The following DRP2 variants were observed in gnomAD, a reference collection of about 807,000 sequenced individuals.
DRP2 encodes the protein dystrophin-related protein 2.
In DRP2, 29 loss-of-function variants were observed where a neutral mutation model predicts 78.2. The observed-to-expected ratio is 0.37, with a 90% CI of 0.28 to 0.51. The LOEUF (loss-of-function observed/expected upper bound fraction) is 0.51. Among genes scored for constraint, DRP2 ranks in the 20% least tolerant of loss-of-function variants. DRP2 has a pLI of 0.94. For synonymous variants in DRP2, 290 were observed against 281.9 expected, an observed-to-expected ratio of 1.03 and a Z score of -0.29; for missense variants, 686 against 770.6, an observed-to-expected ratio of 0.89 and a Z score of 1.30.
chrX:101,249,107 G>A (rs112209758), intron 14 of DRP2, among the ~76,000 whole-genome samples: 4,096 of 111,974 alleles, frequency 0.037, 73 homozygotes, highest in Non-Finnish European at 0.055. Flanking sequence ...CTTGTGTTCA[G>A]CATTTTGAAC....
Position 101,250,664 on chromosome X carries a change from T to C in DRP2, c.1698+84T>C, listed in dbSNP as rs758240418. 390 of 1,105,734 alleles carry C rather than the reference T, an allele frequency of 3.5e-4. 1 individual carries two copies. The highest frequency in any genetic ancestry group is 8.8e-5 in the Admixed American group (3 of 34,069). 91.1% of individuals were successfully genotyped at this position (1,105,734 alleles called of 1,213,427 possible). ...AGGGAAGGAGGACTACGAGCTAGGCTTTTGATCTGAAGTACGCAGATGCAA... is the reference window on the plus strand; with the variant it reads ...AGGGAAGGAGGACTACGAGCTAGGCCTTTGATCTGAAGTACGCAGATGCAA... On this transcript the variant is annotated intron_variant, in intron 15 of 23. Coordinates refer to ENST00000395209, the MANE Select transcript of DRP2 (RefSeq NM_001939.3).
intron 14 of DRP2, among the ~76,000 whole-genome samples, chrX:101,248,994 A>G (rs1460549143): frequency 8.9e-6 from 1 of 112,211 alleles, no homozygotes; most frequent in Non-Finnish European, 1.9e-5. Flanking sequence ...ATACACAGGC[A>G]GGGCACAATA....
intron 18 of DRP2, 97 bp downstream of exon 18, chrX:101,254,658 T>C: frequency 1.7e-6 from 2 of 1,152,947 alleles, no homozygotes; most frequent in Non-Finnish European, 2.3e-6. Flanking sequence ...AGGAGAATGT[T>C]CCAAGGTAAA....
chrX:101,224,071 A>G (rs964004942), intron 1 of DRP2, among the ~76,000 whole-genome samples: 4 of 108,528 alleles, frequency 3.7e-5, no homozygotes, highest in Non-Finnish European at 7.6e-5. Context: ...TCTGTAGCCC[A>G]TGGGAAGGGG....
chrX:101,262,635 C>CTGTG lies in DRP2; in HGVS notation c.*2014_*2015insTGTG, dbSNP rs1171573268. 1 of 111,462 alleles carries CTGTG rather than the reference C, an allele frequency of 9.0e-6. No homozygotes were observed. The highest frequency in any genetic ancestry group is 9.6e-5 in the Admixed American group (1 of 10,440). The allele number at this position is 111,462 out of a possible 1,213,427, so 9.2% of individuals were successfully genotyped here. ...AGAAGCTTAGGGTTGCCTCCTCCAC[C>CTGTG]ACTAAGTCACAGGTCCAGGGTGTCA... On this transcript the variant is annotated 3_prime_UTR_variant, in exon 24 of 24. Transcript: ENST00000395209.
At position 101,263,111 on chromosome X, in the gene DRP2, C is replaced by T. The variant is rs1258747932; in HGVS notation, c.*2490C>T. 1 of 111,375 alleles carries T rather than the reference C, an allele frequency of 9.0e-6. No individual in the cohort carries two copies. Among genetic ancestry groups the T allele is most frequent in the African/African-American group, 3.3e-5 (1 of 30,569 alleles). 9.2% of individuals were successfully genotyped at this position (111,375 alleles called of 1,213,427 possible). ...AAGGGGTCACTGACATTTTGTGGTC[C>T]TGTGTTTACCTTAATGCCTAAGGTG... is the stretch of plus-strand genomic sequence containing the variant. On this transcript the variant is annotated 3_prime_UTR_variant, in exon 24 of 24. Coordinates refer to ENST00000395209, the MANE Select transcript of DRP2 (RefSeq NM_001939.3).
At position 101,235,917 on chromosome X, in the gene DRP2, C is replaced by T. The variant is rs765542790; in HGVS notation, c.175C>T (p.Leu59=). 1.7e-5 allele frequency: 21 copies of T among 1,210,319 alleles called. No homozygotes were observed. The highest frequency in any genetic ancestry group is 2.3e-5 in the Non-Finnish European group (21 of 895,211). ...TCAAGATGGTGCTGGGGTTCCCTGC[C>T]TAAGCCTAAAGCTGTTGAACGGGTC... ...PPQDGAGVPC[L]SLKLLNGSVG... is the part of the protein sequence containing the mutation. The change falls in exon 4 of 24, where the codon CTA becomes TTA. Residue 59 remains leucine, a synonymous_variant. Coordinates refer to ENST00000395209, the MANE Select transcript of DRP2 (RefSeq NM_001939.3).
chrX:101,251,312 C>A (rs1445997424), intron 16 of DRP2: 1 of 316,470 alleles, frequency 3.2e-6, no homozygotes, highest in Non-Finnish European at 5.3e-6. Context: ...TACAGACCTA[C>A]AAAAATGTAT....
chrX:101,257,315 T>C lies in DRP2; in HGVS notation c.2391-994T>C, dbSNP rs141184035. ...ACTAGCTCCCAGTGGATGCCCATAC[T>C]GCTGTTCCACAGGCCACACTTGGAG... On this transcript the variant is annotated intron_variant, in intron 21 of 23. Transcript: ENST00000395209. 4.3e-3 allele frequency among the ~76,000 whole-genome samples: 468 copies of C among 107,940 alleles called. 1 individual carries two copies. Among genetic ancestry groups the C allele is most frequent in the African/African-American group, 0.015 (429 of 29,531 alleles). The allele number at this position is 107,940 out of a possible 115,157, so 93.7% of individuals were successfully genotyped here.
intron 4 of DRP2, among the ~76,000 whole-genome samples, chrX:101,236,957 G>C (rs867527436): frequency 9.0e-6 from 1 of 111,557 alleles, no homozygotes; most frequent in Admixed American, 9.5e-5. Flanking sequence ...CATATCCTTG[G>C]CCAGCCTCCA....
At chrX:101,220,313 G>GTA (rs1921849434) in intron 1 of DRP2, among the ~76,000 whole-genome samples, 167 bp downstream of exon 1, 1 of 106,766 alleles carries the variant, frequency 9.4e-6, no homozygotes, top group Admixed American at 1.0e-4. Flanking sequence ...GTGTGTGTGT[G>GTA]TACGCGTGCC....
At chrX:101,239,271 A>C (rs1922629119) in intron 6 of DRP2, among the ~76,000 whole-genome samples, 170 bp downstream of exon 6, 1 of 111,714 alleles carries the variant, frequency 9.0e-6, no homozygotes, top group Non-Finnish European at 1.9e-5. Context: ...TACTGCAGGA[A>C]AAAAAGCAAA....
chrX:101,254,523 G>T lies in DRP2; in HGVS notation c.2076G>T (p.Leu692=). ...GCAAACACCCTCAGCGAGGTTATCT[G>T]CCTGTGCAATCAGTGCTGGAGGCTG... The part of the protein sequence containing the change: ...YFSKHPQRGY[L]PVQSVLEADY... Residue 692 remains leucine, a synonymous_variant, in exon 18 of 24, where the codon CTG becomes CTT. Transcript: ENST00000395209. 3.3e-6 allele frequency: 4 copies of T among 1,212,206 alleles called. No homozygotes were observed. Among genetic ancestry groups the T allele is most frequent in the Non-Finnish European group, 4.5e-6 (4 of 895,626 alleles).
chrX:101,256,524 A>C (rs12559819), intron 21 of DRP2, among the ~76,000 whole-genome samples: 38,076 of 100,803 alleles, frequency 0.38, 4,963 homozygotes, highest in Middle Eastern at 0.42. Context: ...AATGCTAGCT[A>C]TTATAATAAT....
intron 22 of DRP2, among the ~76,000 whole-genome samples, chrX:101,259,475 G>A (rs1923465624): frequency 9.0e-6 from 1 of 110,744 alleles, no homozygotes; most frequent in African/African-American, 3.3e-5. Flanking sequence ...TAGGTACAAT[G>A]CCATTCTTTA....
In DRP2 at chrX:101,231,038, G is replaced by A. The variant is rs143924368; in HGVS notation, c.-63-547G>A. ...GTGCCTCTTAAACTCTAACCATACC[G>A]ATCCCATTGTCCTCTGAACATGCTA... is the stretch of plus-strand genomic sequence containing the variant. On this transcript the variant is annotated intron_variant, in intron 2 of 23. Transcript: ENST00000395209. Among the ~76,000 whole-genome samples, 816 of 111,896 alleles carry A rather than the reference G, an allele frequency of 7.3e-3. 8 individuals are homozygous for A. Among genetic ancestry groups the A allele is most frequent in the African/African-American group, 0.024 (751 of 30,752 alleles).
At chrX:101,221,726 C>T (rs2147324622) in intron 1 of DRP2, among the ~76,000 whole-genome samples, 1 of 112,105 alleles carries the variant, frequency 8.9e-6, no homozygotes, top group South Asian at 3.7e-4. Flanking sequence ...ATGCGGAGAG[C>T]ACATCTGCGA....
Position 101,242,937 on chromosome X carries a change from G to T in DRP2, c.1009G>T (p.Asp337Tyr), listed in dbSNP as rs1347960375. The T allele has an allele frequency of 5.0e-6, 6 of 1,208,879 alleles. No individual in the cohort carries two copies. Among genetic ancestry groups the T allele is most frequent in the Non-Finnish European group, 6.7e-6 (6 of 894,927 alleles). ...SVSERLKQLQ[D>Y]AHRDFGPGSQ... ...TAGTGAGAGGCTTAAGCAGCTCCAGGATGCCCACCGGGACTTTGGGCCTGG... is the reference window on the plus strand; with the variant it reads ...TAGTGAGAGGCTTAAGCAGCTCCAGTATGCCCACCGGGACTTTGGGCCTGG... The change falls in exon 9 of 24, where the codon GAT becomes TAT. Residue 337 changes from aspartate (D) to tyrosine (Y), a missense_variant. Physicochemically the swap from Asp to Tyr is radical, Grantham distance 160 (BLOSUM62 -3). Coordinates refer to ENST00000395209, the MANE Select transcript of DRP2 (RefSeq NM_001939.3).
intron 4 of DRP2, among the ~76,000 whole-genome samples, chrX:101,236,743 G>A (rs955474763): frequency 6.2e-5 from 7 of 112,194 alleles, no homozygotes; most frequent in East Asian, 2.8e-4. Flanking sequence ...TCAAATCATC[G>A]CTCTATCAAT....
Sources: gnomAD v4.1 joint callset for allele counts (sites outside exome capture counted in the v4.1 genomes callset) on GRCh38, gnomAD v4.1.1 for gene constraint, MANE v1.5 for transcripts, NCBI Gene and HGNC (gene_info 2026-07-23, HGNC 2026-07-21) for gene names.